The following PECR variants were observed in gnomAD, a reference collection of about 807,000 sequenced individuals.
PECR encodes the protein peroxisomal trans-2-enoyl-CoA reductase.
A neutral mutation model predicts 35.3 loss-of-function variants in PECR; 30 were observed. The observed-to-expected ratio is 0.85, with a 90% CI of 0.64 to 1.15. The LOEUF is 1.15. PECR is among the 50% of genes most tolerant of loss of function. The probability of loss-of-function intolerance (pLI) is 0.00; values close to 1 mark genes in which losing one functional copy is unlikely to be tolerated. For missense variants in PECR, 392 were observed against 370.8 expected (o/e 1.06, Z -0.47); for synonymous variants, 148 against 138.9 (o/e 1.07, Z -0.46).
intron 1 of PECR, among the ~76,000 whole-genome samples, chr2:216,076,723 C>A (rs1032858973): frequency 5.3e-5 from 8 of 151,872 alleles, no homozygotes; most frequent in East Asian, 2.0e-4. Flanking sequence ...TCACTTGAAC[C>A]TGGGAGGCAG....
At chr2:216,046,337 G>A (rs537130669) in intron 6 of PECR, among the ~76,000 whole-genome samples, 2 of 116,750 alleles carry the variant, frequency 1.7e-5, no homozygotes, top group South Asian at 5.3e-4. Context: ...TTTTGAGAAG[G>A]CGTCTCACTG....
At chr2:216,052,317 CTCTT>C (rs1265542177) in intron 4 of PECR, among the ~76,000 whole-genome samples, 1 of 152,116 alleles carries the variant, frequency 6.6e-6, no homozygotes, top group East Asian at 1.9e-4. Flanking sequence ...ATTAGGAAAA[CTCTT>C]TCAATCAAAG....
chr2:216,068,836 G>C (rs1173505908), intron 1 of PECR, among the ~76,000 whole-genome samples: 1 of 129,918 alleles, frequency 7.7e-6, no homozygotes, highest in Non-Finnish European at 1.6e-5. Flanking sequence ...TTTTTTAGTA[G>C]AGATGAGGTC....
intron 1 of PECR, among the ~76,000 whole-genome samples, chr2:216,070,506 T>C (rs1559218094): frequency 6.6e-6 from 1 of 152,242 alleles, no homozygotes; most frequent in Non-Finnish European, 1.5e-5. Context: ...CAGACTGCCA[T>C]GGTTACTACT....
intron 7 of PECR, among the ~76,000 whole-genome samples, chr2:216,031,593 AAAG>A (rs142617261): frequency 0.2 from 29,671 of 146,736 alleles, 3,302 homozygotes; most frequent in Non-Finnish European, 0.25. Context: ...GAAGGAAAGA[AAAG>A]AAGGAAAGAA....
rs1024529417 is a variant in PECR, at chr2:216,047,989, T to G, written c.714+1274A>C. On this transcript the variant is annotated intron_variant, in intron 6 of 7. Coordinates refer to ENST00000265322, the MANE Select transcript of PECR (RefSeq NM_018441.6). ...TGCCCTAAGGAGGCAGGTGATTTTT[T>G]TTTTTTTTCATTTAGAGGTAAGTTT... is the stretch of plus-strand genomic sequence containing the variant. Among the ~76,000 whole-genome samples the G allele has an allele frequency of 4.6e-5, 7 of 151,932 alleles. 1 individual carries two copies. The highest frequency in any genetic ancestry group is 6.6e-5 in the Admixed American group (1 of 15,250).
chr2:216,051,467 C>A lies in PECR; in HGVS notation c.585G>T (p.Arg195=). The A allele has an allele frequency of 6.2e-7, 1 of 1,604,950 alleles. No individual in the cohort carries two copies. The highest frequency in any genetic ancestry group is 8.5e-7 in the Non-Finnish European group (1 of 1,171,650). The change falls in exon 5 of 8, where the codon CGG becomes CGT. Residue 195 remains arginine, a synonymous_variant. Coordinates refer to ENST00000265322, the MANE Select transcript of PECR (RefSeq NM_018441.6). ...LALEWACSGI[R]INCVAPGVIY... The stretch of plus-strand genomic sequence containing the variant: ...TACCTACAGGGGCAACACAATTGAT[C>A]CGTATTCCACTGCAGGCCCATTCCA...
chr2:216,037,998 T>A (rs140953084), downstream of PECR, among the ~76,000 whole-genome samples: 990 of 144,680 alleles, frequency 6.8e-3, 12 homozygotes, highest in African/African-American at 0.024. Context: ...AGCAGCAGAA[T>A]CACTTGAACC....
chr2:216,076,097 T>C (rs1448709246), intron 1 of PECR, among the ~76,000 whole-genome samples: 5 of 152,284 alleles, frequency 3.3e-5, no homozygotes, highest in South Asian at 4.2e-4. Flanking sequence ...GCTTTCTGTG[T>C]CCTCTCAGAA....
At chr2:216,081,502 G>C in intron 1 of PECR, 116 bp downstream of exon 1, 1 of 1,330,196 alleles carries the variant, frequency 7.5e-7, no homozygotes, top group Non-Finnish European at 1.1e-6. Flanking sequence ...CACCTGCCCC[G>C]TCTTTGCTCT....
chr2:216,040,193 G>T (rs1209157191), intron 7 of PECR, among the ~76,000 whole-genome samples: 2 of 152,158 alleles, frequency 1.3e-5, no homozygotes, highest in Admixed American at 1.3e-4. Flanking sequence ...ATGTGCCAGC[G>T]AATTCCTTTA....
intron 6 of PECR, 82 bp downstream of exon 6, chr2:216,049,181 G>A (rs1695054667): frequency 1.3e-6 from 1 of 792,506 alleles, no homozygotes; most frequent in East Asian, 2.4e-5. Context: ...ATGTCGTCCA[G>A]ACCGCATAAA....
chr2:216,078,054 A>G (rs995677074), intron 1 of PECR, among the ~76,000 whole-genome samples: 3 of 151,396 alleles, frequency 2.0e-5, no homozygotes, highest in African/African-American at 7.3e-5. Context: ...TCATCATTTT[A>G]AAAACCATGC....
intron 1 of PECR, among the ~76,000 whole-genome samples, chr2:216,070,568 G>C (rs1420637175): frequency 1.3e-5 from 2 of 152,176 alleles, no homozygotes; most frequent in Non-Finnish European, 2.9e-5. Context: ...ATTTGAGACG[G>C]TCATTACGAC....
intron 7 of PECR, among the ~76,000 whole-genome samples, chr2:216,032,046 C>T (rs549534282): frequency 6.6e-5 from 10 of 152,328 alleles, no homozygotes; most frequent in African/African-American, 2.2e-4. Context: ...ACAAAATAGC[C>T]TTTGATAGAC....
intron 1 of PECR, among the ~76,000 whole-genome samples, chr2:216,076,141 A>C (rs189200278): frequency 9.8e-5 from 15 of 152,342 alleles, no homozygotes; most frequent in African/African-American, 3.1e-4. Flanking sequence ...GAAGTGAAAG[A>C]CATTGTTATA....
chr2:216,032,640 A>G (rs928155044), intron 7 of PECR: 20 of 152,332 alleles, frequency 1.3e-4, no homozygotes, highest in Non-Finnish European at 2.5e-4. Flanking sequence ...ACACTCATGA[A>G]CCACCATAAA....
chr2:216,043,854 G>T, intron 7 of PECR, 50 bp downstream of exon 7: 1 of 970,030 alleles, frequency 1.0e-6, no homozygotes, highest in Non-Finnish European at 1.7e-6. Flanking sequence ...TTAAACCCCT[G>T]AACATGACAC....
chr2:216,071,518 G>C (rs560800668), intron 1 of PECR, among the ~76,000 whole-genome samples: 13 of 152,078 alleles, frequency 8.5e-5, no homozygotes, highest in Non-Finnish European at 1.8e-4. Context: ...GGTTGTGATA[G>C]ATAAATCTCT....
Sources: gnomAD v4.1 joint callset for allele counts (sites outside exome capture counted in the v4.1 genomes callset) on GRCh38, gnomAD v4.1.1 for gene constraint, MANE v1.5 for transcripts, NCBI Gene and HGNC (gene_info 2026-07-23, HGNC 2026-07-21) for gene names.